TAFA2: variants seen among roughly 807,000 people sequenced by gnomAD.
TAFA2 encodes the protein chemokine-like protein TAFA-2.
Under a neutral mutation model 18.8 loss-of-function variants are expected in TAFA2, and 7 were observed. The ratio of observed to expected loss-of-function variants is 0.37; its 90% CI spans 0.21 to 0.70. The LOEUF (loss-of-function observed/expected upper bound fraction) is 0.70. Among genes scored for constraint, TAFA2 ranks in the 30% least tolerant of loss-of-function variants. The pLI is 0.53. For synonymous variants in TAFA2, 60 were observed against 54.2 expected (o/e 1.11, Z -0.47); for missense variants, 122 against 158.1 (o/e 0.77, Z 1.23).
chr12:62,028,425 T>C (rs1235800162), intron 1 of TAFA2, among the ~76,000 whole-genome samples: 21 of 152,156 alleles, frequency 1.4e-4, no homozygotes, highest in Non-Finnish European at 1.5e-5. Flanking sequence ...CCAGTAAGCC[T>C]TGGAGAAAGA....
chr12:61,929,054 T>G (rs1877433552), intron 1 of TAFA2, among the ~76,000 whole-genome samples: 1 of 151,778 alleles, frequency 6.6e-6, no homozygotes, highest in South Asian at 2.1e-4. Context: ...AAATATCTAA[T>G]GTAAATAATG....
intron 2 of TAFA2, among the ~76,000 whole-genome samples, chr12:61,780,883 C>A (rs888756317): frequency 1.3e-5 from 2 of 151,714 alleles, no homozygotes; most frequent in African/African-American, 4.8e-5. Flanking sequence ...GTATCCAGTG[C>A]AATTTTTCTT....
intron 2 of TAFA2, among the ~76,000 whole-genome samples, chr12:61,831,481 C>A (rs1483448102): frequency 6.6e-6 from 1 of 151,978 alleles, no homozygotes; most frequent in African/African-American, 2.4e-5. Flanking sequence ...AGACAAAGGG[C>A]CCTGAATCCA....
chr12:61,769,361 C>T (rs1248300623), intron 2 of TAFA2, among the ~76,000 whole-genome samples: 1 of 151,888 alleles, frequency 6.6e-6, no homozygotes, highest in African/African-American at 2.4e-5. Context: ...TAGTGCAAGC[C>T]TGTAACCTCC....
At chr12:62,090,579 G>A (rs549437311) in intron 1 of TAFA2, among the ~76,000 whole-genome samples, 1 of 152,126 alleles carries the variant, frequency 6.6e-6, no homozygotes, top group African/African-American at 2.4e-5. Context: ...AATCGTTGGG[G>A]ACAGAAATAG....
intron 1 of TAFA2, among the ~76,000 whole-genome samples, chr12:61,914,674 T>C (rs1016418536): frequency 3.3e-5 from 5 of 152,178 alleles, no homozygotes; most frequent in African/African-American, 1.2e-4. Context: ...CTCAAAATTG[T>C]ATCCTAAAAT....
intron 1 of TAFA2, among the ~76,000 whole-genome samples, chr12:62,162,538 A>G (rs987536984): frequency 1.3e-5 from 2 of 152,204 alleles, no homozygotes; most frequent in Admixed American, 1.3e-4. Context: ...CAATAATAAA[A>G]CTGTTTTCCT....
chr12:62,046,556 G>T (rs2136767485), intron 1 of TAFA2, among the ~76,000 whole-genome samples: 1 of 152,060 alleles, frequency 6.6e-6, no homozygotes, highest in South Asian at 2.1e-4. Context: ...CCTGATTTTG[G>T]CTGTCTACAC....
At chr12:61,875,278 G>A (rs1418377550) in intron 1 of TAFA2, among the ~76,000 whole-genome samples, 2 of 151,936 alleles carry the variant, frequency 1.3e-5, no homozygotes, top group Non-Finnish European at 2.9e-5. Flanking sequence ...TTTAAATTTT[G>A]TATCTCTTTC....
At chr12:61,782,037 G>C (rs1450617887) in intron 2 of TAFA2, among the ~76,000 whole-genome samples, 1 of 151,578 alleles carries the variant, frequency 6.6e-6, no homozygotes, top group African/African-American at 2.4e-5. Flanking sequence ...TTTGAGACTA[G>C]GAGGAACGGT....
intron 4 of TAFA2, among the ~76,000 whole-genome samples, chr12:61,746,257 C>T (rs1180942156): frequency 6.6e-6 from 1 of 152,042 alleles, no homozygotes; most frequent in East Asian, 1.9e-4. Flanking sequence ...TCCTGCCGCC[C>T]TGTGAAGAAG....
At chr12:61,809,859 A>G (rs1871792017) in intron 2 of TAFA2, among the ~76,000 whole-genome samples, 1 of 151,210 alleles carries the variant, frequency 6.6e-6, no homozygotes, top group African/African-American at 2.5e-5. Context: ...GGAAATCTCA[A>G]TACCTCCATG....
chr12:61,883,092 G>C (rs1355872067), intron 1 of TAFA2, among the ~76,000 whole-genome samples: 1 of 152,066 alleles, frequency 6.6e-6, no homozygotes, highest in East Asian at 1.9e-4. Context: ...AAATGACAAG[G>C]TCCCTGCCTG....
At position 62,147,231 on chromosome 12, in the gene TAFA2, C is replaced by T. The variant is rs1427234444; in HGVS notation, c.-2+44028G>A. On this transcript the variant is annotated intron_variant, in intron 1 of 4. Coordinates refer to ENST00000416284, the MANE Select transcript of TAFA2 (RefSeq NM_178539.5). Reference sequence around the variant, plus strand: ...AAAAGTTCCAGAAGAAAACCAAATACATATATATATATGTATATATGTATG... The same window carrying T: ...AAAAGTTCCAGAAGAAAACCAAATATATATATATATATGTATATATGTATG... Among the ~76,000 whole-genome samples, 5 of 141,382 alleles carry T rather than the reference C, an allele frequency of 3.5e-5. No individual in the cohort carries two copies. In the East Asian group the frequency reaches 6.2e-4, roughly 18 times the overall value. The allele number at this position is 141,382 out of a possible 152,430, so 92.8% of individuals were successfully genotyped here. A position where few individuals can be genotyped will look rare whatever the true frequency, so the allele number is the denominator to read the frequency against.
intron 1 of TAFA2, among the ~76,000 whole-genome samples, chr12:61,935,896 G>A (rs1185604089): frequency 6.6e-6 from 1 of 151,616 alleles, no homozygotes; most frequent in African/African-American, 2.4e-5. Context: ...CTGGACCAGA[G>A]CAATTCACAG....
At chr12:62,099,539 TA>T (rs1235378692) in intron 1 of TAFA2, among the ~76,000 whole-genome samples, 1 of 152,218 alleles carries the variant, frequency 6.6e-6, no homozygotes, top group Non-Finnish European at 1.5e-5. Flanking sequence ...AGTTTATAAT[TA>T]CTGAGTTCAA....
chr12:61,719,838 A>G (rs752339247), intron 4 of TAFA2, among the ~76,000 whole-genome samples: 2 of 152,218 alleles, frequency 1.3e-5, no homozygotes, highest in African/African-American at 2.4e-5. Flanking sequence ...TTGTGAGAAC[A>G]TGCCAGAAGC....
intron 1 of TAFA2, among the ~76,000 whole-genome samples, chr12:61,910,082 TTGTGTG>T (rs373487943): frequency 7.7e-6 from 1 of 130,486 alleles, no homozygotes; most frequent in Middle Eastern, 3.8e-3. Context: ...GTGTGCGTGC[TTGTGTG>T]TGTGTGTGTG....
intron 4 of TAFA2, among the ~76,000 whole-genome samples, chr12:61,726,861 G>T (rs2120630997): frequency 6.6e-6 from 1 of 152,036 alleles, no homozygotes; most frequent in Middle Eastern, 3.4e-3. Flanking sequence ...GTTGGCTGTG[G>T]GTTTGTCATG....
Sources: allele counts gnomAD v4.1 joint callset (sites outside exome capture counted in the v4.1 genomes callset), GRCh38; gene constraint gnomAD v4.1.1; transcripts MANE v1.5; gene names NCBI Gene and HGNC (gene_info 2026-07-23, HGNC 2026-07-21).